Variants in C3orf20 observed in about 807,000 individuals in gnomAD.
The protein encoded by C3orf20 is uncharacterized protein C3orf20.
Under a neutral mutation model 88.3 loss-of-function variants are expected in C3orf20, and 76 were observed. The observed-to-expected ratio is 0.86, with a 90% CI of 0.72 to 1.04. The LOEUF (loss-of-function observed/expected upper bound fraction) is 1.04. Ranked by LOEUF, C3orf20 falls within the 50% of genes least tolerant of loss-of-function variation. The pLI is 0.00. For missense variants in C3orf20, 1,056 were observed against 1,123.3 expected, an observed-to-expected ratio of 0.94 and a Z score of 0.86; for synonymous variants, 436 against 437.4, an observed-to-expected ratio of 1.00 and a Z score of 0.04.
intron 4 of C3orf20, among the ~76,000 whole-genome samples, chr3:14,688,149 T>G (rs1176793340): frequency 2.0e-5 from 3 of 152,174 alleles, no homozygotes; most frequent in Non-Finnish European, 2.9e-5. Flanking sequence ...CTCTGATGAT[T>G]TGTTTTGCAT....
chr3:14,749,929 T>C (rs188246671), intron 12 of C3orf20, among the ~76,000 whole-genome samples: 8 of 152,242 alleles, frequency 5.3e-5, no homozygotes, highest in Non-Finnish European at 7.4e-5. Context: ...AACGTCTTTA[T>C]GCATTGTGTG....
intron 10 of C3orf20, among the ~76,000 whole-genome samples, chr3:14,726,357 A>C (rs1030680529): frequency 6.6e-6 from 1 of 152,238 alleles, no homozygotes; most frequent in Non-Finnish European, 1.5e-5. Flanking sequence ...CAATGTCAGC[A>C]GCCACTGTTT....
chr3:14,763,579 G>T (rs1228024273), intron 15 of C3orf20, among the ~76,000 whole-genome samples: 4 of 152,184 alleles, frequency 2.6e-5, no homozygotes, highest in Admixed American at 6.5e-5. Context: ...AGTGGAGGAT[G>T]CCAGAAAGTA....
In C3orf20 at chr3:14,772,018, A is replaced by G. The variant is rs1273629971; in HGVS notation, c.2496-49A>G. 12 of 1,610,730 alleles carry G rather than the reference A, an allele frequency of 7.5e-6. No homozygotes were observed. Among genetic ancestry groups the G allele is most frequent in the Non-Finnish European group, 1.0e-5 (12 of 1,177,902 alleles). ...CCAGAACACTGATGGGACAGCGTGC[A>G]GTGCACCCTGGGCCCTGAGCACTGC... On this transcript the variant is annotated intron_variant, in intron 15 of 16. Coordinates refer to ENST00000253697, the MANE Select transcript of C3orf20 (RefSeq NM_032137.5). This position sits in a 1 kb window ranked among gnomAD's most constrained non-coding sequence, Gnocchi z 4.2.
rs2033422580 is a variant in C3orf20, at chr3:14,704,619, GTA to G, written c.1160+3_1160+4del. On this transcript the variant is annotated splice_donor_variant and splice_donor_region_variant and intron_variant, in intron 7 of 16. Transcript: ENST00000253697. LOFTEE classifies it high-confidence loss of function. ...TCTATGATGGCTCCTCCTTCGTTTA[GTA>G]TCCTTTTATTTGGTACCACCCTATC... The G allele has an allele frequency of 6.2e-7, 1 of 1,612,406 alleles. No individual in the cohort carries two copies. Among genetic ancestry groups the G allele is most frequent in the South Asian group, 1.1e-5 (1 of 91,072 alleles).
intron 7 of C3orf20, among the ~76,000 whole-genome samples, chr3:14,705,245 C>T (rs911269716): frequency 2.0e-5 from 3 of 152,232 alleles, no homozygotes; most frequent in Admixed American, 6.5e-5. Context: ...TAGACCTTCT[C>T]CCTAGAAATA....
Position 14,772,326 on chromosome 3 carries a change from C to G in C3orf20, c.2630+125C>G. On this transcript the variant is annotated intron_variant, in intron 16 of 16. Transcript: ENST00000253697. The surrounding 1 kb of genome is among the most constrained non-coding windows in gnomAD (Gnocchi z 4.2). ...GGTCATGTCCAACCATCGCTGACATCTAGCCCATGTAATCAACACAATATT... is the reference window on the plus strand; with the variant it reads ...GGTCATGTCCAACCATCGCTGACATGTAGCCCATGTAATCAACACAATATT... 8.6e-7 allele frequency: 1 copy of G among 1,158,230 alleles called. No homozygotes were observed. Among genetic ancestry groups the G allele is most frequent in the South Asian group, 1.4e-5 (1 of 69,752 alleles). The allele number at this position is 1,158,230 out of a possible 1,614,324, so 71.7% of individuals were successfully genotyped here.
intron 12 of C3orf20, among the ~76,000 whole-genome samples, chr3:14,757,069 C>T (rs1482910088): frequency 1.3e-5 from 2 of 152,120 alleles, no homozygotes; most frequent in Non-Finnish European, 2.9e-5. Flanking sequence ...AGAGGACAAG[C>T]TTGCTGACAA....
In C3orf20 at chr3:14,772,956, G is replaced by A. The variant is rs2035901913; in HGVS notation, c.*81G>A. On this transcript the variant is annotated 3_prime_UTR_variant, in exon 17 of 17. Transcript: ENST00000253697. The surrounding 1 kb of genome is among the most constrained non-coding windows in gnomAD (Gnocchi z 4.2). Reference sequence around the variant, plus strand: ...CTTGCCAGCCCAGCCCTGCCTCCCCGGTCTCCCACCCTGTCCTCCAAGCTT... The same window carrying A: ...CTTGCCAGCCCAGCCCTGCCTCCCCAGTCTCCCACCCTGTCCTCCAAGCTT... 1.5e-5 allele frequency: 15 copies of A among 1,028,686 alleles called. No individual in the cohort carries two copies. Among genetic ancestry groups the A allele is most frequent in the Admixed American group, 5.4e-5 (3 of 55,976 alleles). 63.7% of individuals were successfully genotyped at this position (1,028,686 alleles called of 1,614,324 possible). A position where few individuals can be genotyped will look rare whatever the true frequency, so the allele number is the denominator to read the frequency against.
chr3:14,738,629 CCT>C (rs2034800329), intron 12 of C3orf20, among the ~76,000 whole-genome samples: 1 of 118,692 alleles, frequency 8.4e-6, no homozygotes, highest in African/African-American at 3.3e-5. Flanking sequence ...CCATGCCCGG[CCT>C]TTTTTTTTTT....
chr3:14,697,380 G>T (rs1371622997), intron 5 of C3orf20, among the ~76,000 whole-genome samples: 1 of 150,318 alleles, frequency 6.7e-6, no homozygotes, highest in South Asian at 2.1e-4. Flanking sequence ...TTTTTCTTTT[G>T]TCTCCTCTGC....
rs1553612750 is a variant in C3orf20 at position 14,714,115 on chromosome 3, C to G, written c.1269C>G (p.Phe423Leu). 1.9e-6 allele frequency: 3 copies of G among 1,614,032 alleles called. No homozygotes were observed. The highest frequency in any genetic ancestry group is 2.5e-6 in the Non-Finnish European group (3 of 1,180,006). ...CTGGATTCTCCTTGCTGGCCCTATT[C>G]AATACTGAAGGCCAGGGCTGTGTTC... ...DIPGFSLLAL[F>L]NTEGQGCVHY... Residue 423 changes from phenylalanine (F) to leucine (L), a missense_variant, in exon 8 of 17, where the codon TTC becomes TTG. Phe to Leu is a conservative substitution (Grantham distance 22). Coordinates refer to ENST00000253697, the MANE Select transcript of C3orf20 (RefSeq NM_032137.5).
At chr3:14,742,884 A>C (rs1039446575) in intron 12 of C3orf20, among the ~76,000 whole-genome samples, 1 of 152,174 alleles carries the variant, frequency 6.6e-6, no homozygotes, top group Non-Finnish European at 1.5e-5. Context: ...GGAGAATAGC[A>C]TGGGAAAGAC....
intron 5 of C3orf20, among the ~76,000 whole-genome samples, chr3:14,702,174 G>A (rs1332110832): frequency 6.6e-6 from 1 of 152,132 alleles, no homozygotes; most frequent in Non-Finnish European, 1.5e-5. Flanking sequence ...GAGGCGAAAG[G>A]CACTCCTTTC....
At chr3:14,689,498 A>AT (rs1265338150) in intron 4 of C3orf20, among the ~76,000 whole-genome samples, 1 of 152,218 alleles carries the variant, frequency 6.6e-6, no homozygotes, top group Non-Finnish European at 1.5e-5. Context: ...TCCACTAGCC[A>AT]TAAGGGTGCT....
intron 1 of C3orf20, among the ~76,000 whole-genome samples, chr3:14,675,690 GTTATTTATTTAT>G (rs113175157): frequency 6.6e-6 from 1 of 150,470 alleles, no homozygotes. Flanking sequence ...TTTTGTTTTT[GTTATTTATTTAT>G]TTATTTATTT....
At chr3:14,764,507 ATTGTTGTTG>A (rs962763180) in intron 15 of C3orf20, among the ~76,000 whole-genome samples, 10 of 132,758 alleles carry the variant, frequency 7.5e-5, no homozygotes, top group East Asian at 2.6e-4. Flanking sequence ...TATTATTATT[ATTGTTGTTG>A]TTGTTGTTGT....
intron 1 of C3orf20, among the ~76,000 whole-genome samples, chr3:14,677,319 T>C (rs2031824880): frequency 6.6e-6 from 1 of 152,124 alleles, no homozygotes; most frequent in South Asian, 2.1e-4. Flanking sequence ...AAATCTATGC[T>C]TATTTCCCCT....
intron 1 of C3orf20, among the ~76,000 whole-genome samples, chr3:14,676,559 A>G (rs1032578407): frequency 6.6e-6 from 1 of 152,208 alleles, no homozygotes; most frequent in Admixed American, 6.5e-5. Flanking sequence ...TGAAGTGGCT[A>G]TAAGCATCTT....
Sources: allele counts gnomAD v4.1 joint callset (sites outside exome capture counted in the v4.1 genomes callset), GRCh38; gene constraint gnomAD v4.1.1; non-coding constraint Gnocchi (gnomAD v3.1); transcripts MANE v1.5; gene names NCBI Gene and HGNC (gene_info 2026-07-23, HGNC 2026-07-21).